Variants in AFF1 observed in about 807,000 individuals in gnomAD.
The protein encoded by AFF1 is ALF transcription elongation factor 1.
A neutral mutation model predicts 121.7 loss-of-function variants in AFF1; 48 were observed. The ratio of observed to expected loss-of-function variants is 0.39; its 90% CI spans 0.31 to 0.50. AFF1 has a LOEUF of 0.50. AFF1 is among the 20% of genes least tolerant of loss of function. The probability of loss-of-function intolerance (pLI) is 0.76; values close to 1 mark genes in which losing one functional copy is unlikely to be tolerated. For missense variants in AFF1, 1,523 were observed against 1,511.7 expected, an observed-to-expected ratio of 1.01 and a Z score of -0.12; for synonymous variants, 613 against 563.0, an observed-to-expected ratio of 1.09 and a Z score of -1.26.
Position 87,114,739 on chromosome 4 carries a change from C to T in AFF1, c.1906C>T (p.Leu636Phe). 3.7e-6 allele frequency: 6 copies of T among 1,613,952 alleles called. No individual in the cohort carries two copies. Among genetic ancestry groups the T allele is most frequent in the Non-Finnish European group, 5.1e-6 (6 of 1,179,978 alleles). ...TSLQGEREPG[L>F]LPYGSRDQTS... ...CCTGCAGGGGGAAAGGGAGCCAGGG[C>T]TTCTTCCCTATGGCTCCCGAGACCA... Residue 636 changes from leucine to phenylalanine, a missense_variant, in exon 12 of 21, where the codon CTT becomes TTT. By Grantham distance (22) the Leu-to-Phe change is conservative. Transcript: ENST00000395146.
At chr4:87,031,874 GTCTT>G (rs147063901) in intron 2 of AFF1, among the ~76,000 whole-genome samples, 2 of 152,296 alleles carry the variant, frequency 1.3e-5, no homozygotes, top group East Asian at 1.9e-4. Flanking sequence ...TCAAGTGTAT[GTCTT>G]TCTTAATTAC....
chr4:86,971,016 A>AGAG (rs1722905564), intron 2 of AFF1, among the ~76,000 whole-genome samples: 1 of 152,232 alleles, frequency 6.6e-6, no homozygotes, highest in African/African-American at 2.4e-5. Context: ...GGGTTCCATC[A>AGAG]GAGGAGTAGC....
chr4:87,047,746 C>A (rs555211792), intron 4 of AFF1, 152 bp downstream of exon 4: 3 of 1,000,212 alleles, frequency 3.0e-6, no homozygotes, highest in Admixed American at 3.4e-5. Context: ...TAATAACCCG[C>A]GAAAAACTCA....
rs139765195 is a variant in AFF1, at chr4:87,114,849, C to G, written c.2016C>G (p.Pro672=). 143 of 1,613,984 alleles carry G rather than the reference C, an allele frequency of 8.9e-5. No individual in the cohort carries two copies. In the African/African-American group the frequency reaches 1.0e-3, roughly 12 times the overall value. ...ACGAACCCAAGCCAGCAGTGCCCCC[C>G]TCCAGTGAGAAGAAGAAGCACAAGA... The part of the protein sequence containing the change: ...ASNEPKPAVP[P]SSEKKKHKSS... Residue 672 remains proline (P), a synonymous_variant, in exon 12 of 21, where the codon CCC becomes CCG. Transcript: ENST00000395146.
Position 87,105,680 on chromosome 4 carries a change from C to T in AFF1, c.1336C>T (p.Gln446Ter). The stretch of plus-strand genomic sequence containing the variant: ...TGACAGTGAGGACAGTGACAGTGAA[C>T]AAGTAAGTGTTGCACAGCCTGTAAT... ...LSDSEDSDSE[Q>*]TPEKPPSSSA... The change falls in exon 9 of 21, where the codon CAA becomes TAA. Residue 446 changes from glutamine to a stop codon, truncating the protein, a stop_gained and splice_region_variant. Transcript: ENST00000395146. LOFTEE classifies it high-confidence loss of function. 6.2e-7 allele frequency: 1 copy of T among 1,614,146 alleles called. No individual in the cohort carries two copies. Among genetic ancestry groups the T allele is most frequent in the Non-Finnish European group, 8.5e-7 (1 of 1,180,024 alleles).
intron 2 of AFF1, among the ~76,000 whole-genome samples, chr4:86,951,602 CTTTTTCT>C (rs1560497153): frequency 8.7e-6 from 1 of 115,492 alleles, no homozygotes; most frequent in East Asian, 2.2e-4. Context: ...ACTTTTTTTT[CTTTTTCT>C]TTTTTCTTTT....
At chr4:87,016,553 A>G (rs1466406229) in intron 2 of AFF1, among the ~76,000 whole-genome samples, 1 of 133,092 alleles carries the variant, frequency 7.5e-6, no homozygotes, top group East Asian at 2.0e-4. Flanking sequence ...CTCTGTCTCA[A>G]AAAAAAAAAA....
chr4:86,984,803 G>A (rs1407342068), intron 2 of AFF1, among the ~76,000 whole-genome samples: 7 of 151,998 alleles, frequency 4.6e-5, no homozygotes, highest in Non-Finnish European at 1.0e-4. Context: ...TGGGCATATA[G>A]TCCCGCTACT....
intron 2 of AFF1, among the ~76,000 whole-genome samples, chr4:87,014,290 C>G (rs1727093559): frequency 6.6e-6 from 1 of 152,224 alleles, no homozygotes; most frequent in African/African-American, 2.4e-5. Flanking sequence ...ATCTCTCTCT[C>G]TACCACACAC....
chr4:87,080,250 A>G (rs968852249), intron 4 of AFF1, among the ~76,000 whole-genome samples: 2 of 152,224 alleles, frequency 1.3e-5, no homozygotes, highest in African/African-American at 2.4e-5. Flanking sequence ...TGTTAAAGTC[A>G]GTGTCTATAC....
intron 2 of AFF1, among the ~76,000 whole-genome samples, chr4:86,975,895 A>C (rs983140166): frequency 1.3e-4 from 20 of 152,216 alleles, no homozygotes; most frequent in African/African-American, 4.8e-4. Flanking sequence ...AGAGGGCATG[A>C]AGATCAATTT....
At chr4:86,962,145 C>CTTTTTTTTTT (rs3035474) in intron 2 of AFF1, among the ~76,000 whole-genome samples, 3 of 122,580 alleles carry the variant, frequency 2.4e-5, no homozygotes, top group Non-Finnish European at 1.7e-5. Context: ...GTTATTGTTT[C>CTTTTTTTTTT]TTTTTTTTTT....
rs978746930 is a variant in AFF1 at position 87,125,082 on chromosome 4, A to G, written c.2512A>G (p.Lys838Glu). The change falls in exon 13 of 21, where the codon AAG becomes GAG. Residue 838 changes from lysine to glutamate, a missense_variant. Physicochemically the swap from Lys to Glu is moderately conservative, Grantham distance 56. Transcript: ENST00000395146. ...DCDNKKIRLE[K>E]EIKSQSSSSS... is the part of the protein sequence containing the mutation. ...TGATAACAAGAAAATCAGACTGGAG[A>G]AGGAAATCAAATCACAGTCATCTTC... is the stretch of plus-strand genomic sequence containing the variant. 3.7e-6 allele frequency: 6 copies of G among 1,610,262 alleles called. No individual in the cohort carries two copies. The African/African-American group carries it at 6.7e-5, about 18-fold the overall frequency.
intron 2 of AFF1, among the ~76,000 whole-genome samples, chr4:86,953,269 C>A (rs959111151): frequency 6.6e-6 from 1 of 152,046 alleles, no homozygotes; most frequent in African/African-American, 2.4e-5. Context: ...TAATACACAC[C>A]AGTAGCTCAC....
chr4:87,048,750 C>G (rs1166008028), intron 4 of AFF1, among the ~76,000 whole-genome samples: 1 of 152,116 alleles, frequency 6.6e-6, no homozygotes, highest in African/African-American at 2.4e-5. Context: ...AGCTCTTGAG[C>G]TGAGTACTTC....
chr4:87,019,464 G>A (rs1727663143), intron 2 of AFF1, among the ~76,000 whole-genome samples: 2 of 152,230 alleles, frequency 1.3e-5, no homozygotes, highest in Non-Finnish European at 2.9e-5. Flanking sequence ...GCTGTACAGA[G>A]AGGCCAAGAA....
At chr4:86,947,872 G>C (rs1226429610) in intron 1 of AFF1, among the ~76,000 whole-genome samples, 1 of 150,776 alleles carries the variant, frequency 6.6e-6, no homozygotes, top group Non-Finnish European at 1.5e-5. Flanking sequence ...AAAATCTTAA[G>C]ATTGATTGTC....
chr4:87,009,908 T>C (rs1726562729), intron 2 of AFF1, among the ~76,000 whole-genome samples: 1 of 152,230 alleles, frequency 6.6e-6, no homozygotes, highest in African/African-American at 2.4e-5. Context: ...GACAGACTCA[T>C]TGTACTTACA....
rs1560525360 is a variant in AFF1 at position 86,995,283 on chromosome 4, TCCCTCCCCCTC to T, written c.38+46713_38+46723del. Reference sequence around the variant, plus strand: ...ATCTACCCCCTTCCCCCTCCCCCTCTCCCTCCCCCTCTCCCTCCCTCCCCCTCTCCCCACGG... The same window carrying T: ...ATCTACCCCCTTCCCCCTCCCCCTCTTCCCTCCCTCCCCCTCTCCCCACGG... On this transcript the variant is annotated intron_variant, in intron 2 of 20. Transcript: ENST00000395146. 2.0e-3 allele frequency among the ~76,000 whole-genome samples: 82 copies of T among 40,012 alleles called. 1 individual carries two copies. The highest frequency in any genetic ancestry group is 8.7e-3 in the African/African-American group (79 of 9,084). The allele number at this position is 40,012 out of a possible 152,430, so 26.2% of individuals were successfully genotyped here. A position where few individuals can be genotyped will look rare whatever the true frequency, so the allele number is the denominator to read the frequency against.
Sources: gnomAD v4.1 joint callset for allele counts (sites outside exome capture counted in the v4.1 genomes callset) on GRCh38, gnomAD v4.1.1 for gene constraint, MANE v1.5 for transcripts, NCBI Gene and HGNC (gene_info 2026-07-23, HGNC 2026-07-21) for gene names.